Variants in BTBD9 observed in about 807,000 individuals in gnomAD.
BTBD9 encodes BTB domain containing 9.
Under a neutral mutation model 64.3 loss-of-function variants are expected in BTBD9, and 49 were observed. That is an observed-to-expected ratio of 0.76 (90% CI 0.61 to 0.97). The LOEUF (loss-of-function observed/expected upper bound fraction) is 0.97. BTBD9 is among the 50% of genes least tolerant of loss of function. The pLI is 0.00. For synonymous variants in BTBD9, 260 were observed against 274.7 expected (o/e 0.95, Z 0.53); for missense variants, 598 against 762.1 (o/e 0.78, Z 2.53).
chr6:38,213,220 T>A (rs1167471210), intron 9 of BTBD9, among the ~76,000 whole-genome samples: 2 of 152,128 alleles, frequency 1.3e-5, no homozygotes, highest in East Asian at 1.9e-4. Flanking sequence ...GTATTTTAGA[T>A]CTAATGACAA....
chr6:38,489,729 T>G (rs936530317), intron 6 of BTBD9, among the ~76,000 whole-genome samples: 3 of 152,258 alleles, frequency 2.0e-5, no homozygotes, highest in Non-Finnish European at 4.4e-5. Flanking sequence ...TGTTTCACAC[T>G]GACGTTGATC....
intron 6 of BTBD9, among the ~76,000 whole-genome samples, chr6:38,404,204 A>C (rs1289869536): frequency 6.6e-6 from 1 of 152,224 alleles, no homozygotes; most frequent in Non-Finnish European, 1.5e-5. Flanking sequence ...ACACCTTAAA[A>C]TGGTGAATTT....
intron 6 of BTBD9, among the ~76,000 whole-genome samples, chr6:38,536,058 A>G (rs1774008964): frequency 6.6e-6 from 1 of 152,234 alleles, no homozygotes; most frequent in Admixed American, 6.5e-5. Flanking sequence ...TGAAGAAACA[A>G]CTCACATAAT....
At chr6:38,310,895 C>T (rs1027456910) in intron 7 of BTBD9, among the ~76,000 whole-genome samples, 1 of 152,168 alleles carries the variant, frequency 6.6e-6, no homozygotes, top group Non-Finnish European at 1.5e-5. Context: ...ACTGCAACCT[C>T]CCCCCGGGTT....
chr6:38,394,214 C>T (rs1227424633), intron 6 of BTBD9, among the ~76,000 whole-genome samples: 2 of 151,988 alleles, frequency 1.3e-5, no homozygotes, highest in African/African-American at 4.8e-5. Context: ...AAACAGGCAA[C>T]TATAATAAAA....
At chr6:38,335,254 A>AT (rs200450470) in intron 7 of BTBD9, among the ~76,000 whole-genome samples, 1,960 of 140,932 alleles carry the variant, frequency 0.014, 21 homozygotes, top group East Asian at 0.018. Flanking sequence ...TTAATTTTAA[A>AT]TTTTTTTTTT....
intron 1 of BTBD9, among the ~76,000 whole-genome samples, chr6:38,636,116 G>C (rs760819181): frequency 1.3e-5 from 2 of 152,160 alleles, no homozygotes; most frequent in South Asian, 2.1e-4. Context: ...GTTAATCACT[G>C]TGCACATGTA....
At chr6:38,534,152 A>G (rs1773914757) in intron 6 of BTBD9, among the ~76,000 whole-genome samples, 1 of 152,012 alleles carries the variant, frequency 6.6e-6, no homozygotes, top group Admixed American at 6.5e-5. Context: ...AAAAAAAGAG[A>G]GAAGATAAAA....
chr6:38,592,475 T>C lies in BTBD9; in HGVS notation c.814+101A>G, dbSNP rs1003816975. On this transcript the variant is annotated intron_variant, in intron 4 of 10. Coordinates refer to ENST00000481247, the MANE Select transcript of BTBD9 (RefSeq NM_001099272.2). ...GCTGTTTATAAACGTACATATTTCA[T>C]GTACACCTGCACTACACGGTTCTGT... 6.3e-6 allele frequency: 8 copies of C among 1,269,338 alleles called. No homozygotes were observed. In the East Asian group the frequency reaches 9.3e-5, roughly 15 times the overall value. The allele number at this position is 1,269,338 out of a possible 1,614,324, so 78.6% of individuals were successfully genotyped here. A position where few individuals can be genotyped will look rare whatever the true frequency, so the allele number is the denominator to read the frequency against.
rs189643840 is a variant in BTBD9, at chr6:38,579,430, G to A, written c.1034+788C>T. 5.2e-4 allele frequency among the ~76,000 whole-genome samples: 79 copies of A among 152,310 alleles called. 1 individual carries two copies. Among genetic ancestry groups the A allele is most frequent in the African/African-American group, 1.7e-3 (71 of 41,570 alleles). Reference sequence around the variant, plus strand: ...AAACAGCAATGAAGGAAACAGTTCAGTTCTTGTCACTCATACTGCTCTGGT... The same window carrying A: ...AAACAGCAATGAAGGAAACAGTTCAATTCTTGTCACTCATACTGCTCTGGT... On this transcript the variant is annotated intron_variant, in intron 5 of 10. Coordinates refer to ENST00000481247, the MANE Select transcript of BTBD9 (RefSeq NM_001099272.2).
At chr6:38,444,918 C>T (rs1769199590) in intron 6 of BTBD9, among the ~76,000 whole-genome samples, 1 of 152,194 alleles carries the variant, frequency 6.6e-6, no homozygotes, top group African/African-American at 2.4e-5. Flanking sequence ...TTTCTACTTA[C>T]TGATATCTAG....
chr6:38,491,602 T>C lies in BTBD9; in HGVS notation c.1154+85998A>G, dbSNP rs144051182. On this transcript the variant is annotated intron_variant, in intron 6 of 10. Coordinates refer to ENST00000481247, the MANE Select transcript of BTBD9 (RefSeq NM_001099272.2). Reference sequence around the variant, plus strand: ...TTAGGAAATGTTATGTCCTAATTTATGGTTTATTTTAATCTTAGCAGTCAA... The same window carrying C: ...TTAGGAAATGTTATGTCCTAATTTACGGTTTATTTTAATCTTAGCAGTCAA... 3.9e-3 allele frequency among the ~76,000 whole-genome samples: 588 copies of C among 152,342 alleles called. 6 individuals are homozygous for C. Among genetic ancestry groups the C allele is most frequent in the African/African-American group, 0.013 (546 of 41,576 alleles).
At chr6:38,494,348 T>C (rs1771847422) in intron 6 of BTBD9, among the ~76,000 whole-genome samples, 1 of 152,220 alleles carries the variant, frequency 6.6e-6, no homozygotes, top group Admixed American at 6.5e-5. Context: ...CAAATCTGAT[T>C]TGTTTTCCCT....
intron 4 of BTBD9, among the ~76,000 whole-genome samples, chr6:38,583,538 C>T (rs1338409067): frequency 6.6e-6 from 1 of 152,118 alleles, no homozygotes; most frequent in Non-Finnish European, 1.5e-5. Context: ...AAGACGGGAA[C>T]ATCAAGCTCT....
At chr6:38,627,405 A>G (rs991607872) in intron 1 of BTBD9, among the ~76,000 whole-genome samples, 5 of 152,264 alleles carry the variant, frequency 3.3e-5, no homozygotes, top group African/African-American at 1.2e-4. Flanking sequence ...AAGATGCAGT[A>G]CAATATATAT....
intron 6 of BTBD9, among the ~76,000 whole-genome samples, chr6:38,425,265 C>A (rs1389668447): frequency 2.6e-5 from 4 of 151,674 alleles, no homozygotes; most frequent in Non-Finnish European, 5.9e-5. Context: ...GCCACCACGC[C>A]TAGTTAACTT....
intron 6 of BTBD9, among the ~76,000 whole-genome samples, chr6:38,360,674 G>A (rs1216549206): frequency 6.6e-6 from 1 of 152,172 alleles, no homozygotes; most frequent in Non-Finnish European, 1.5e-5. Context: ...AGGCAGAAGA[G>A]TAACATGTGC....
At chr6:38,617,905 G>A (rs953727293) in intron 1 of BTBD9, among the ~76,000 whole-genome samples, 7 of 152,190 alleles carry the variant, frequency 4.6e-5, no homozygotes, top group South Asian at 2.1e-4. Context: ...AACCTTTCTC[G>A]GTCCTCTTTG....
chr6:38,523,982 T>C, intron 6 of BTBD9, among the ~76,000 whole-genome samples: 1 of 152,234 alleles, frequency 6.6e-6, no homozygotes, highest in East Asian at 1.9e-4. Flanking sequence ...ACTATTCATT[T>C]GTCAATAAGC....
Sources: gnomAD v4.1 joint callset for allele counts (sites outside exome capture counted in the v4.1 genomes callset) on GRCh38, gnomAD v4.1.1 for gene constraint, MANE v1.5 for transcripts, NCBI Gene and HGNC (gene_info 2026-07-23, HGNC 2026-07-21) for gene names.